The following KIF17 variants were observed in gnomAD, a reference collection of about 807,000 sequenced individuals.
KIF17 encodes the protein kinesin family member 17, also known as kinesin-like protein KIF17.
A neutral mutation model predicts 96.8 loss-of-function variants in KIF17; 80 were observed. That is an observed-to-expected ratio of 0.83 (90% CI 0.69 to 1.00). The LOEUF (loss-of-function observed/expected upper bound fraction) is 1.00. KIF17 is among the 50% of genes least tolerant of loss of function. The pLI is 0.00. For missense variants in KIF17, 1,280 were observed against 1,372.9 expected (o/e 0.93, Z 1.07); for synonymous variants, 567 against 587.5 (o/e 0.97, Z 0.51).
chr1:20,715,315 G>A (rs2054557285), intron 2 of KIF17, among the ~76,000 whole-genome samples, 178 bp downstream of exon 2: 3 of 152,214 alleles, frequency 2.0e-5, no homozygotes, highest in Admixed American at 6.5e-5. Flanking sequence ...AGCATGGACA[G>A]AATTTTCTCT....
chr1:20,688,043 T>A (rs2053971518), intron 7 of KIF17, 99 bp from the exon 8 acceptor site: 5 of 1,097,358 alleles, frequency 4.6e-6, no homozygotes. Flanking sequence ...TTTTTTTGTT[T>A]GTTTTTTTTT....
At chr1:20,702,090 T>C (rs1230113584) in intron 5 of KIF17, among the ~76,000 whole-genome samples, 1 of 152,194 alleles carries the variant, frequency 6.6e-6, no homozygotes, top group Non-Finnish European at 1.5e-5. Context: ...GGCCTCGTGC[T>C]GAGCCCACAC....
Position 20,686,032 on chromosome 1 carries a change from G to T in KIF17, c.2019+14C>A. 1 of 1,549,924 alleles carries T rather than the reference G, an allele frequency of 6.5e-7. No individual in the cohort carries two copies. Among genetic ancestry groups the T allele is most frequent in the East Asian group, 2.4e-5 (1 of 41,086 alleles). The stretch of plus-strand genomic sequence containing the variant: ...AACCCCGTCCCCCACATGGAGGCCC[G>T]GGGAGGTACTCACAGGCCTGGGCGG... On this transcript the variant is annotated intron_variant, in intron 9 of 14. Coordinates refer to ENST00000400463, the MANE Select transcript of KIF17 (RefSeq NM_001122819.3).
At position 20,717,773 on chromosome 1, in the gene KIF17, G is replaced by A. The variant is rs1477020882; in HGVS notation, c.-67C>T. 4.8e-6 allele frequency: 7 copies of A among 1,451,106 alleles called. No homozygotes were observed. The highest frequency in any genetic ancestry group is 6.3e-6 in the Non-Finnish European group (7 of 1,110,410). The allele number at this position is 1,451,106 out of a possible 1,614,324, so 89.9% of individuals were successfully genotyped here. On this transcript the variant is annotated 5_prime_UTR_variant, in exon 1 of 15. Coordinates refer to ENST00000400463, the MANE Select transcript of KIF17 (RefSeq NM_001122819.3). ...CCCCGCCGGGGACTCCCAGCAGCCC[G>A]GGCCAAGGGGCGGGGCCAGCGCCGG... is the stretch of plus-strand genomic sequence containing the variant.
chr1:20,680,069 C>G (rs2053804438), intron 11 of KIF17, among the ~76,000 whole-genome samples: 1 of 152,168 alleles, frequency 6.6e-6, no homozygotes, highest in African/African-American at 2.4e-5. Flanking sequence ...ACTGCAACCT[C>G]CACCTCCCAG....
intron 11 of KIF17, among the ~76,000 whole-genome samples, chr1:20,682,185 A>C (rs1027545335): frequency 6.6e-6 from 1 of 151,894 alleles, no homozygotes. Flanking sequence ...CATACAACAT[A>C]CCCGCATGCG....
At chr1:20,698,345 C>CCCTT in intron 6 of KIF17, 34 bp downstream of exon 6, 1 of 1,500,566 alleles carries the variant, frequency 6.7e-7, no homozygotes, top group Non-Finnish European at 9.3e-7. Context: ...ACCTGCCTGT[C>CCCTT]CCTTCTCCAT....
chr1:20,701,164 TGG>T (rs2054228367), intron 5 of KIF17, among the ~76,000 whole-genome samples: 1 of 152,112 alleles, frequency 6.6e-6, no homozygotes, highest in Non-Finnish European at 1.5e-5. Flanking sequence ...CCAGGCGAGG[TGG>T]CTCATGCCTG....
At chr1:20,674,574 TC>T (rs1570436118) in intron 11 of KIF17, among the ~76,000 whole-genome samples, 2 of 116,960 alleles carry the variant, frequency 1.7e-5, no homozygotes, top group East Asian at 4.7e-4. Flanking sequence ...AATTTATCCC[TC>T]TTTTTTTTTT....
chr1:20,705,966 T>C (rs921764515), intron 4 of KIF17, among the ~76,000 whole-genome samples: 4 of 136,640 alleles, frequency 2.9e-5, no homozygotes, highest in Non-Finnish European at 6.1e-5. Flanking sequence ...TGGAGTGCAG[T>C]GGTGCAATCC....
intron 8 of KIF17, among the ~76,000 whole-genome samples, chr1:20,686,586 C>T (rs1216329985): frequency 1.3e-5 from 2 of 152,092 alleles, no homozygotes; most frequent in Admixed American, 6.6e-5. Context: ...GATGGAGTCT[C>T]GCTCTGTCGC....
chr1:20,699,706 G>C lies in KIF17; in HGVS notation c.1124-1218C>G, dbSNP rs182650428. Among the ~76,000 whole-genome samples the C allele has an allele frequency of 6.6e-6, 1 of 152,322 alleles. No individual in the cohort carries two copies. The highest frequency in any genetic ancestry group is 1.9e-4 in the East Asian group (1 of 5,182). ...ACAGGGGGAGCTTGCTAGACAGGGG[G>C]AGCGGTGAGTGCGAGGGCCCTGAGG... On this transcript the variant is annotated intron_variant, in intron 5 of 14. Transcript: ENST00000400463. The surrounding 1 kb of genome is among the most constrained non-coding windows in gnomAD (Gnocchi z 4.3).
At chr1:20,710,723 C>T (rs997842083) in intron 3 of KIF17, among the ~76,000 whole-genome samples, 1 of 152,050 alleles carries the variant, frequency 6.6e-6, no homozygotes, top group Non-Finnish European at 1.5e-5. Context: ...GTGGGAGAGG[C>T]GTGGGTGGGG....
downstream of KIF17, among the ~76,000 whole-genome samples, chr1:20,662,645 C>CGGCCA (rs1292952035): frequency 6.6e-6 from 1 of 152,180 alleles, no homozygotes; most frequent in Admixed American, 6.5e-5. Flanking sequence ...TGTTAAGAGT[C>CGGCCA]GGCCACGGCA....
chr1:20,693,721 G>A (rs2054083016), intron 6 of KIF17: 3 of 152,290 alleles, frequency 2.0e-5, no homozygotes, highest in Middle Eastern at 2.9e-3. Flanking sequence ...TGCTTCTTTT[G>A]GGGGTTTTCA....
At chr1:20,670,044 A>T (rs150530510) in intron 13 of KIF17, among the ~76,000 whole-genome samples, 1 of 150,688 alleles carries the variant, frequency 6.6e-6, no homozygotes, top group Non-Finnish European at 1.5e-5. Context: ...AAAGTGACTT[A>T]GGAATCCCAA....
Position 20,684,888 on chromosome 1 carries a change from T to C in KIF17, c.2152A>G (p.Arg718Gly). ...EPLPATAGVK[R>G]ESVGMEVAVL... ...GCCACCTCCATGCCCACGCTCTCCC[T>C]CTTCACACCAGCTGTGGCCGGCAGG... is the stretch of plus-strand genomic sequence containing the variant. The change falls in exon 10 of 15, where the codon AGG (arginine) becomes GGG (glycine). Residue 718 changes from arginine (R) to glycine (G), a missense_variant. By Grantham distance (125) the Arg-to-Gly change is moderately radical. Transcript: ENST00000400463. 6.3e-7 allele frequency: 1 copy of C among 1,598,474 alleles called. No individual in the cohort carries two copies. Among genetic ancestry groups the C allele is most frequent in the Non-Finnish European group, 8.5e-7 (1 of 1,172,658 alleles).
At chr1:20,674,787 G>A (rs1012762346) in intron 11 of KIF17, among the ~76,000 whole-genome samples, 2 of 152,048 alleles carry the variant, frequency 1.3e-5, no homozygotes, top group African/African-American at 4.8e-5. Context: ...TGAATATCCA[G>A]TTGTCCCCGC....
chr1:20,668,810 G>C (rs1021642744), intron 13 of KIF17, among the ~76,000 whole-genome samples: 3 of 152,154 alleles, frequency 2.0e-5, no homozygotes, highest in Non-Finnish European at 4.4e-5. Context: ...GGCTGTTTTT[G>C]TGCTACAGTG....
Sources: allele counts gnomAD v4.1 joint callset (sites outside exome capture counted in the v4.1 genomes callset), GRCh38; gene constraint gnomAD v4.1.1; non-coding constraint Gnocchi (gnomAD v3.1); transcripts MANE v1.5; gene names NCBI Gene and HGNC (gene_info 2026-07-23, HGNC 2026-07-21).